Variants in LGSN observed in about 807,000 individuals in gnomAD.
LGSN encodes the protein lengsin.
A neutral mutation model predicts 19.5 loss-of-function variants in LGSN; 21 were observed. That is an observed-to-expected ratio of 1.07 (90% CI 0.76 to 1.55). The LOEUF (loss-of-function observed/expected upper bound fraction) is 1.55. LGSN is among the 40% of genes most tolerant of loss of function. LGSN has a pLI of 0.00. For missense variants in LGSN, 673 were observed against 608.5 expected (o/e 1.11, Z -1.12); for synonymous variants, 257 against 215.6 (o/e 1.19, Z -1.68).
chr6:63,409,210 C>G, the LGSN span, among the ~76,000 whole-genome samples: 23 of 152,240 alleles, frequency 1.5e-4, no homozygotes, highest in Middle Eastern at 3.4e-3. Flanking sequence ...CCACACCCAG[C>G]CAAAAATATT....
At chr6:63,436,928 T>G in the LGSN span, among the ~76,000 whole-genome samples, 1 of 151,700 alleles carries the variant, frequency 6.6e-6, no homozygotes, top group Non-Finnish European at 1.5e-5. Flanking sequence ...TCCCAGCTAC[T>G]CGGGAGGCTG....
At chr6:63,451,310 C>T in the LGSN span, among the ~76,000 whole-genome samples, 1 of 152,150 alleles carries the variant, frequency 6.6e-6, no homozygotes. Context: ...CAGCACTATT[C>T]ACAATAGCAA....
intron 1 of LGSN, among the ~76,000 whole-genome samples, chr6:63,315,618 CTGTGTGTGTGTG>C (rs10601946): frequency 5.1e-5 from 7 of 138,068 alleles, no homozygotes; most frequent in Non-Finnish European, 9.5e-5. Flanking sequence ...CTCTCTCTCT[CTGTGTGTGTGTG>C]TGTGTGTGTG....
the LGSN span, among the ~76,000 whole-genome samples, chr6:63,485,557 G>A: frequency 6.6e-6 from 1 of 152,104 alleles, no homozygotes; most frequent in African/African-American, 2.4e-5. Context: ...GTCAGTAATG[G>A]TATTGCTGCG....
the LGSN span, among the ~76,000 whole-genome samples, chr6:63,419,880 CAAAAAAAAAAAAAAAAAAAAAAAAAA>C: frequency 5.2e-4 from 30 of 57,340 alleles, 1 homozygote; most frequent in East Asian, 6.0e-3. Flanking sequence ...AACTCCCTCC[CAAAAAAAAAAAAAAAAAAAAAAAAAA>C]AAAAAAAAAA....
At chr6:63,400,775 C>T in the LGSN span, among the ~76,000 whole-genome samples, 1 of 152,204 alleles carries the variant, frequency 6.6e-6, no homozygotes, top group South Asian at 2.1e-4. Flanking sequence ...GGGTGGATCA[C>T]CTCAGGTCAG....
the LGSN span, among the ~76,000 whole-genome samples, chr6:63,444,393 A>T: frequency 6.6e-6 from 1 of 152,224 alleles, no homozygotes; most frequent in African/African-American, 2.4e-5. Context: ...AATGTGTGAT[A>T]GACTAAAATC....
At chr6:63,338,511 G>C in the LGSN span, among the ~76,000 whole-genome samples, 1 of 152,074 alleles carries the variant, frequency 6.6e-6, no homozygotes, top group African/African-American at 2.4e-5. Flanking sequence ...AACAGTCTCT[G>C]ATGATCTTTT....
At chr6:63,534,688 C>T in the LGSN span, among the ~76,000 whole-genome samples, 70,987 of 151,340 alleles carry the variant, frequency 0.47, 17,007 homozygotes, top group African/African-American at 0.54. Context: ...TGGCTCATGC[C>T]TGTAACCCCA....
At chr6:63,487,291 G>A in the LGSN span, among the ~76,000 whole-genome samples, 1 of 152,056 alleles carries the variant, frequency 6.6e-6, no homozygotes, top group Non-Finnish European at 1.5e-5. Flanking sequence ...TCTTGATCAG[G>A]AAACAAATCT....
chr6:63,382,273 T>C, the LGSN span, among the ~76,000 whole-genome samples: 1 of 152,244 alleles, frequency 6.6e-6, no homozygotes, highest in African/African-American at 2.4e-5. Flanking sequence ...ATATTTATTT[T>C]AACAGTGAAA....
chr6:63,365,518 G>C, the LGSN span, among the ~76,000 whole-genome samples: 801 of 152,222 alleles, frequency 5.3e-3, 9 homozygotes, highest in African/African-American at 0.019. Context: ...ACAAAGAGGA[G>C]TTGGTACCAT....
chr6:63,564,925 C>T, the LGSN span, among the ~76,000 whole-genome samples: 4 of 152,164 alleles, frequency 2.6e-5, no homozygotes, highest in Non-Finnish European at 2.9e-5. Context: ...CATAATAAGT[C>T]CTTTATTCAG....
chr6:63,443,931 G>T, the LGSN span, among the ~76,000 whole-genome samples: 1 of 146,766 alleles, frequency 6.8e-6, no homozygotes, highest in African/African-American at 2.5e-5. Context: ...AAAAAAAAGT[G>T]TCATGAGACC....
At chr6:63,450,337 G>A in the LGSN span, among the ~76,000 whole-genome samples, 2 of 151,562 alleles carry the variant, frequency 1.3e-5, no homozygotes, top group African/African-American at 4.8e-5. Context: ...CTCCAGCCTG[G>A]GCGACAGAGT....
chr6:63,356,499 G>A, the LGSN span, among the ~76,000 whole-genome samples: 1 of 152,114 alleles, frequency 6.6e-6, no homozygotes, highest in South Asian at 2.1e-4. Context: ...CTGATATCAT[G>A]CCACTGCACT....
At chr6:63,289,240 GTCA>G (rs1395668132) in intron 2 of LGSN, among the ~76,000 whole-genome samples, 20 of 152,146 alleles carry the variant, frequency 1.3e-4, no homozygotes, top group African/African-American at 4.8e-4. Flanking sequence ...AGTAAAAGTT[GTCA>G]TCATATATTT....
the LGSN span, among the ~76,000 whole-genome samples, chr6:63,525,215 TGTG>T: frequency 8.7e-4 from 133 of 152,258 alleles, 1 homozygote; most frequent in South Asian, 0.015. Context: ...CCTGGTGAAT[TGTG>T]TGTCTGCAGT....
the LGSN span, among the ~76,000 whole-genome samples, chr6:63,474,626 A>T: frequency 2.7e-5 from 4 of 149,868 alleles, no homozygotes; most frequent in African/African-American, 9.8e-5. Flanking sequence ...AAAAAAAAAG[A>T]AAGTGGGAAG....
Sources: gnomAD v4.1 joint callset for allele counts (sites outside exome capture counted in the v4.1 genomes callset) on GRCh38, gnomAD v4.1.1 for gene constraint, MANE v1.5 for transcripts, NCBI Gene and HGNC (gene_info 2026-07-23, HGNC 2026-07-21) for gene names.